Variants in PCDHA9 observed in about 807,000 individuals in gnomAD.
PCDHA9 encodes the protein protocadherin alpha-9.
In PCDHA9, 62 loss-of-function variants were observed where a neutral mutation model predicts 62.0. That is an observed-to-expected ratio of 1.00 (90% CI 0.81 to 1.23). The LOEUF (loss-of-function observed/expected upper bound fraction) is 1.23. PCDHA9 is among the 50% of genes most tolerant of loss of function. PCDHA9 has a pLI of 0.00. For missense variants in PCDHA9, 1,205 were observed against 1,249.8 expected (o/e 0.96, Z 0.54); for synonymous variants, 557 against 567.6 (o/e 0.98, Z 0.27).
chr5:141,001,468 G>A (rs1375908420), intron 3 of PCDHA9, among the ~76,000 whole-genome samples: 1 of 152,226 alleles, frequency 6.6e-6, no homozygotes, highest in African/African-American at 2.4e-5. Context: ...GGACTAAGCA[G>A]CAGCGGGGAA....
intron 1 of PCDHA9, among the ~76,000 whole-genome samples, chr5:140,872,413 G>A (rs2053647330): frequency 6.6e-6 from 1 of 151,990 alleles, no homozygotes; most frequent in Admixed American, 6.6e-5. Flanking sequence ...AATTGCTTGA[G>A]CCCAAGAGTT....
chr5:140,947,763 AAT>A (rs1396909113), intron 1 of PCDHA9, among the ~76,000 whole-genome samples: 1 of 151,658 alleles, frequency 6.6e-6, no homozygotes, highest in Non-Finnish European at 1.5e-5. Flanking sequence ...TGGTTTAAAA[AAT>A]TCTATTGTAA....
rs559156187 is a variant in PCDHA9 at position 140,858,121 on chromosome 5, G to A, written c.2394+7232G>A. On this transcript the variant is annotated intron_variant, in intron 1 of 3. Coordinates refer to ENST00000532602, the MANE Select transcript of PCDHA9 (RefSeq NM_031857.2). ...TGGGCGTGGCGCCCGAGGTGGCCCTGGTGGATGTCAACGTGTACCTGATCA... is the reference window on the plus strand; with the variant it reads ...TGGGCGTGGCGCCCGAGGTGGCCCTAGTGGATGTCAACGTGTACCTGATCA... 7 of 1,597,864 alleles carry A rather than the reference G, an allele frequency of 4.4e-6. No individual in the cohort carries two copies. The South Asian group carries it at 5.5e-5, about 13-fold the overall frequency.
rs1015706913 is a variant in PCDHA9, at chr5:140,985,292, T to C, written c.2542+2729T>C. 2.0e-5 allele frequency among the ~76,000 whole-genome samples: 3 copies of C among 152,294 alleles called. No homozygotes were observed. The East Asian group carries it at 5.8e-4, about 29-fold the overall frequency. ...TACTTTTCTGCAATCTATGATATAG[T>C]GTTGGCTGATAGCCTGGTGGCCAGA... On this transcript the variant is annotated intron_variant, in intron 3 of 3. Transcript: ENST00000532602.
chr5:140,923,133 G>T (rs1177084353), intron 1 of PCDHA9, among the ~76,000 whole-genome samples: 3 of 152,082 alleles, frequency 2.0e-5, no homozygotes, highest in African/African-American at 7.2e-5. Context: ...ACACTTTGAA[G>T]GTGGAATATA....
chr5:140,967,287 A>G (rs1458692984), intron 1 of PCDHA9: 1 of 1,612,826 alleles, frequency 6.2e-7, no homozygotes, highest in Non-Finnish European at 8.5e-7. Flanking sequence ...AGTGCGCAGG[A>G]CCCCGACGTG....
At position 140,849,032 on chromosome 5, in the gene PCDHA9, C is replaced by T. The variant is rs2040752468; in HGVS notation, c.537C>T (p.Phe179=). ...TYRLSPNEYF[F]LDVPTSNQQV... ...GACTGAGCCCCAATGAGTATTTCTT[C>T]CTGGACGTGCCAACCAGCAACCAGC... The change falls in exon 1 of 4, where the codon TTC becomes TTT. Residue 179 remains phenylalanine (F), a synonymous_variant. Coordinates refer to ENST00000532602, the MANE Select transcript of PCDHA9 (RefSeq NM_031857.2). 6.3e-7 allele frequency: 1 copy of T among 1,579,200 alleles called. No homozygotes were observed. Among genetic ancestry groups the T allele is most frequent in the Non-Finnish European group, 8.6e-7 (1 of 1,159,088 alleles).
intron 1 of PCDHA9, chr5:140,851,487 C>A: frequency 2.2e-6 from 2 of 889,094 alleles, no homozygotes; most frequent in Non-Finnish European, 1.4e-6. Flanking sequence ...TAAACACAGC[C>A]TTCATTTCAA....
chr5:140,882,917 G>A, intron 1 of PCDHA9: 1 of 1,614,218 alleles, frequency 6.2e-7, no homozygotes, highest in Non-Finnish European at 8.5e-7. Context: ...AGCCAGTGAT[G>A]GAGGTAAACC....
intron 3 of PCDHA9, among the ~76,000 whole-genome samples, chr5:141,002,613 A>G (rs1587992392): frequency 1.3e-5 from 2 of 152,206 alleles, no homozygotes; most frequent in African/African-American, 4.8e-5. Context: ...AAACAGACAC[A>G]TAACACAGAC....
intron 1 of PCDHA9, among the ~76,000 whole-genome samples, chr5:140,905,881 T>C (rs1241086266): frequency 1.3e-5 from 2 of 152,080 alleles, no homozygotes; most frequent in Non-Finnish European, 2.9e-5. Context: ...GGCCCAACAA[T>C]AGGCCATCTG....
chr5:140,882,480 A>T, intron 1 of PCDHA9: 1 of 1,614,020 alleles, frequency 6.2e-7, no homozygotes, highest in Non-Finnish European at 8.5e-7. Flanking sequence ...TCCAAAAGAC[A>T]CGGGGACCTT....
At chr5:140,994,433 T>G (rs2097622592) in intron 3 of PCDHA9, among the ~76,000 whole-genome samples, 1 of 152,204 alleles carries the variant, frequency 6.6e-6, no homozygotes, top group African/African-American at 2.4e-5. Flanking sequence ...CCGGGCGCAG[T>G]GGCTCACACC....
chr5:140,875,989 A>G (rs782628581), intron 1 of PCDHA9: 1 of 1,613,992 alleles, frequency 6.2e-7, no homozygotes, highest in South Asian at 1.1e-5. Flanking sequence ...CTATGCGTTA[A>G]GTCTAAATGA....
At chr5:140,896,894 T>A (rs1317627647) in intron 1 of PCDHA9, among the ~76,000 whole-genome samples, 6 of 152,208 alleles carry the variant, frequency 3.9e-5, no homozygotes, top group Admixed American at 2.0e-4. Context: ...TGAGACATTT[T>A]GATACAAGCA....
chr5:140,882,149 G>A (rs2058970957), intron 1 of PCDHA9: 2 of 1,501,900 alleles, frequency 1.3e-6, no homozygotes, highest in Middle Eastern at 4.3e-4. Flanking sequence ...ATAGCAGAAA[G>A]CGGAATACCT....
chr5:140,863,124 C>T (rs1554157805), intron 1 of PCDHA9: 1 of 594,982 alleles, frequency 1.7e-6, no homozygotes, highest in Non-Finnish European at 3.3e-6. Flanking sequence ...AAGCTACGCG[C>T]CACCGCCTGC....
chr5:140,869,028 G>T, intron 1 of PCDHA9: 1 of 1,526,584 alleles, frequency 6.6e-7, no homozygotes, highest in Middle Eastern at 1.8e-4. Context: ...AATTCAACGA[G>T]ATTTTTAACC....
chr5:140,850,555 C>A lies in PCDHA9; in HGVS notation c.2060C>A (p.Thr687Lys), dbSNP rs1562471328. The A allele has an allele frequency of 6.3e-7, 1 of 1,598,250 alleles. No homozygotes were observed. The highest frequency in any genetic ancestry group is 8.6e-7 in the Non-Finnish European group (1 of 1,167,774). ...KSSSRASVGA[T>K]GPEVTLVDVN... ...TCGTCGCGGGCGTCAGTGGGTGCCA[C>A]GGGCCCCGAGGTGACGCTGGTGGAT... Residue 687 changes from threonine to lysine, a missense_variant, in exon 1 of 4, where the codon ACG becomes AAG. Coordinates refer to ENST00000532602, the MANE Select transcript of PCDHA9 (RefSeq NM_031857.2).
Sources: gnomAD v4.1 joint callset for allele counts (sites outside exome capture counted in the v4.1 genomes callset) on GRCh38, gnomAD v4.1.1 for gene constraint, MANE v1.5 for transcripts, NCBI Gene and HGNC (gene_info 2026-07-23, HGNC 2026-07-21) for gene names.